The following TOP1 variants were observed in gnomAD, a reference collection of about 807,000 sequenced individuals.
TOP1 encodes DNA topoisomerase 1.
A neutral mutation model predicts 111.1 loss-of-function variants in TOP1; 10 were observed. That is an observed-to-expected ratio of 0.09 (90% confidence interval 0.06 to 0.15). The LOEUF is 0.15. Among genes scored for constraint, TOP1 ranks in the 10% least tolerant of loss-of-function variants. The probability of loss-of-function intolerance (pLI) is 1.00; values close to 1 mark genes in which losing one functional copy is unlikely to be tolerated. For synonymous variants in TOP1, 271 were observed against 302.9 expected, an observed-to-expected ratio of 0.89 and a Z score of 1.10; for missense variants, 474 against 926.7, an observed-to-expected ratio of 0.51 and a Z score of 6.34.
intron 8 of TOP1, among the ~76,000 whole-genome samples, chr20:41,084,882 T>G (rs370311519): frequency 6.6e-6 from 1 of 152,120 alleles, no homozygotes. Flanking sequence ...AAGGACAGAT[T>G]ATTATGTAAG....
chr20:41,044,284 G>GA (rs1223997809), intron 2 of TOP1, among the ~76,000 whole-genome samples: 2 of 152,020 alleles, frequency 1.3e-5, no homozygotes, highest in Non-Finnish European at 2.9e-5. Context: ...TCAAAAAAAA[G>GA]AAAAAAAGAA....
intron 2 of TOP1, among the ~76,000 whole-genome samples, chr20:41,047,146 C>T (rs908318855): frequency 3.3e-5 from 5 of 152,206 alleles, no homozygotes; most frequent in Admixed American, 6.5e-5. Context: ...TTAGTACTAG[C>T]GCAGTGTTCT....
chr20:41,035,257 T>G (rs1449113642), intron 2 of TOP1, among the ~76,000 whole-genome samples: 2 of 152,188 alleles, frequency 1.3e-5, no homozygotes, highest in African/African-American at 4.8e-5. Flanking sequence ...CTTACCTGTC[T>G]GCTAAATTTT....
Position 41,123,317 on chromosome 20 carries a change from T to G in TOP1, c.*20T>G, listed in dbSNP as rs764320383. 2 of 1,566,240 alleles carry G rather than the reference T, an allele frequency of 1.3e-6. No homozygotes were observed. The highest frequency in any genetic ancestry group is 2.2e-5 in the South Asian group (2 of 90,090). On this transcript the variant is annotated 3_prime_UTR_variant, in exon 21 of 21. Coordinates refer to ENST00000361337, the MANE Select transcript of TOP1 (RefSeq NM_003286.4). The surrounding 1 kb of genome is among the most constrained non-coding windows in gnomAD (Gnocchi z 5.8). ...TTTTAGCCAGTCTCAAGAGGCAGAGTTCTGTGAAGAGGAACAGTGTGGTTT... is the reference window on the plus strand; with the variant it reads ...TTTTAGCCAGTCTCAAGAGGCAGAGGTCTGTGAAGAGGAACAGTGTGGTTT...
chr20:41,123,244 C>A lies in TOP1; in HGVS notation c.2245C>A (p.Arg749=). The A allele has an allele frequency of 6.2e-7, 1 of 1,613,996 alleles. No homozygotes were observed. Among genetic ancestry groups the A allele is most frequent in the Non-Finnish European group, 8.5e-7 (1 of 1,179,932 alleles). ...TGAGAAGATTTACAACAAAACCCAGCGGGAGAAGTTTGCCTGGGCCATTGA... is the reference window on the plus strand; with the variant it reads ...TGAGAAGATTTACAACAAAACCCAGAGGGAGAAGTTTGCCTGGGCCATTGA... ...PIEKIYNKTQ[R]EKFAWAIDMA... Residue 749 remains arginine, a synonymous_variant, in exon 21 of 21, where the codon CGG becomes AGG. Transcript: ENST00000361337. The surrounding 1 kb of genome is among the most constrained non-coding windows in gnomAD (Gnocchi z 5.8).
rs2033955040 is a variant in TOP1 at position 41,094,204 on chromosome 20, AT to A, written c.730+1618del. Among the ~76,000 whole-genome samples the A allele has an allele frequency of 6.6e-6, 1 of 152,140 alleles. No homozygotes were observed. The highest frequency in any genetic ancestry group is 2.4e-5 in the African/African-American group (1 of 41,424). ...CAGGACTCCATAATCTCAGAGGCAAATGCTTATGTTATGTAAACATTTTGAC... is the reference window on the plus strand; with the variant it reads ...CAGGACTCCATAATCTCAGAGGCAAAGCTTATGTTATGTAAACATTTTGAC... On this transcript the variant is annotated intron_variant, in intron 9 of 20. Transcript: ENST00000361337. This position sits in a 1 kb window ranked among gnomAD's most constrained non-coding sequence, Gnocchi z 4.4.
intron 2 of TOP1, among the ~76,000 whole-genome samples, chr20:41,041,845 C>G (rs1438793589): frequency 2.0e-5 from 3 of 152,064 alleles, no homozygotes; most frequent in African/African-American, 7.3e-5. Flanking sequence ...TTGCTTCATT[C>G]AATTACGATA....
chr20:41,093,004 TATA>T (rs1180296775), intron 9 of TOP1, among the ~76,000 whole-genome samples: 2 of 152,204 alleles, frequency 1.3e-5, no homozygotes, highest in African/African-American at 4.8e-5. Context: ...ACAGTATTAG[TATA>T]TGGTCGAGGA....
rs1454954108 is a variant in TOP1 at position 41,082,226 on chromosome 20, G to A, written c.507+986G>A. On this transcript the variant is annotated intron_variant, in intron 7 of 20. Transcript: ENST00000361337. This position sits in a 1 kb window ranked among gnomAD's most constrained non-coding sequence, Gnocchi z 4.1. ...GCAGTAAAGAGAATGATAGTGAAGG[G>A]GCAGGGAGTCTTAAGAGGATAATCT... 6.6e-6 allele frequency among the ~76,000 whole-genome samples: 1 copy of A among 152,102 alleles called. No individual in the cohort carries two copies. The highest frequency in any genetic ancestry group is 1.5e-5 in the Non-Finnish European group (1 of 68,014).
intron 3 of TOP1, 58 bp from the exon 4 acceptor site, chr20:41,076,112 GA>G: frequency 6.5e-7 from 1 of 1,549,888 alleles, no homozygotes; most frequent in Non-Finnish European, 8.7e-7. Flanking sequence ...GATATCTTGT[GA>G]AACGAATCCT....
Position 41,115,321 on chromosome 20 carries a change from G to C in TOP1, c.1639-50G>C. 4.4e-6 allele frequency: 6 copies of C among 1,366,978 alleles called. No homozygotes were observed. Among genetic ancestry groups the C allele is most frequent in the Non-Finnish European group, 6.2e-6 (6 of 963,796 alleles). The allele number at this position is 1,366,978 out of a possible 1,614,324, so 84.7% of individuals were successfully genotyped here. On this transcript the variant is annotated intron_variant, in intron 15 of 20. Coordinates refer to ENST00000361337, the MANE Select transcript of TOP1 (RefSeq NM_003286.4). The surrounding 1 kb of genome is among the most constrained non-coding windows in gnomAD (Gnocchi z 6.3). Reference sequence around the variant, plus strand: ...CTTTAAGTTTGGGGTTATTTCTAAAGTTAGGATTTTTTTCAAGAGTAATAA... The same window carrying C: ...CTTTAAGTTTGGGGTTATTTCTAAACTTAGGATTTTTTTCAAGAGTAATAA...
intron 3 of TOP1, among the ~76,000 whole-genome samples, chr20:41,066,812 C>T (rs1051829342): frequency 1.3e-5 from 2 of 152,114 alleles, no homozygotes. Flanking sequence ...CCTCGGCCTC[C>T]CAAAGTCTTG....
chr20:41,041,906 GATT>G (rs201654924), intron 2 of TOP1, among the ~76,000 whole-genome samples: 48 of 149,380 alleles, frequency 3.2e-4, no homozygotes, highest in African/African-American at 4.9e-4. Flanking sequence ...TGATGATGAT[GATT>G]ATTATTATTA....
Position 41,076,184 on chromosome 20 carries a change from T to A in TOP1, c.169T>A (p.Ser57Thr). The A allele has an allele frequency of 6.2e-7, 1 of 1,609,950 alleles. No individual in the cohort carries two copies. Among genetic ancestry groups the A allele is most frequent in the Non-Finnish European group, 8.5e-7 (1 of 1,177,620 alleles). The change falls in exon 4 of 21, where the codon TCT becomes ACT. Residue 57 changes from serine to threonine, a missense_variant. By Grantham distance (58) the Ser-to-Thr change is moderately conservative. This residue lies in a region of TOP1 where 185 missense variants were observed against 226.3 expected (regional missense o/e 0.82). Coordinates refer to ENST00000361337, the MANE Select transcript of TOP1 (RefSeq NM_003286.4). Reference protein sequence around the residue: ...SKHSNSEHKDSEKKHKEKEKT... With the variant: ...SKHSNSEHKDTEKKHKEKEKT... Reference sequence around the variant, plus strand: ...AACTTTTTACAGTGAACATAAAGATTCTGAAAAGAAACACAAAGAGAAGGA... The same window carrying A: ...AACTTTTTACAGTGAACATAAAGATACTGAAAAGAAACACAAAGAGAAGGA...
intron 9 of TOP1, among the ~76,000 whole-genome samples, chr20:41,096,153 G>A (rs778072721): frequency 6.6e-6 from 1 of 152,148 alleles, no homozygotes; most frequent in Non-Finnish European, 1.5e-5. Context: ...TGCAACCCCT[G>A]CCTCCTGGGT....
Position 41,098,461 on chromosome 20 carries a change from C to G in TOP1, c.975+124C>G, listed in dbSNP as rs964059750. 1.3e-5 allele frequency: 14 copies of G among 1,114,426 alleles called. No homozygotes were observed. The African/African-American group carries it at 1.7e-4, about 14-fold the overall frequency. The allele number at this position is 1,114,426 out of a possible 1,614,324, so 69.0% of individuals were successfully genotyped here. ...ATTTCACATCATTCTATGCTAAAGACTTAGAGTTCTCAAAGTCTAAATTTT... is the reference window on the plus strand; with the variant it reads ...ATTTCACATCATTCTATGCTAAAGAGTTAGAGTTCTCAAAGTCTAAATTTT... On this transcript the variant is annotated intron_variant, in intron 11 of 20. Coordinates refer to ENST00000361337, the MANE Select transcript of TOP1 (RefSeq NM_003286.4). This position sits in a 1 kb window ranked among gnomAD's most constrained non-coding sequence, Gnocchi z 5.7.
chr20:41,114,689 C>CT lies in TOP1; in HGVS notation c.1638+535dup, dbSNP rs1463078590. Among the ~76,000 whole-genome samples, 3 of 152,174 alleles carry CT rather than the reference C, an allele frequency of 2.0e-5. No individual in the cohort carries two copies. The highest frequency in any genetic ancestry group is 4.4e-5 in the Non-Finnish European group (3 of 68,040). On this transcript the variant is annotated intron_variant, in intron 15 of 20. Coordinates refer to ENST00000361337, the MANE Select transcript of TOP1 (RefSeq NM_003286.4). This position sits in a 1 kb window ranked among gnomAD's most constrained non-coding sequence, Gnocchi z 4.5. ...TCTTTGCTCAGCCTTTCTCCAACTC[C>CT]TGACTGAGTGAAAGGTTAATGTTAG... is the stretch of plus-strand genomic sequence containing the variant.
Position 41,124,305 on chromosome 20 carries a change from AAGC to A in TOP1, c.*1011_*1013del, listed in dbSNP as rs1461281635. 2.6e-5 allele frequency: 6 copies of A among 233,086 alleles called. No individual in the cohort carries two copies. The highest frequency in any genetic ancestry group is 3.6e-4 in the South Asian group (2 of 5,528). The allele number at this position is 233,086 out of a possible 1,614,324, so 14.4% of individuals were successfully genotyped here. A position where few individuals can be genotyped will look rare whatever the true frequency, so the allele number is the denominator to read the frequency against. On this transcript the variant is annotated 3_prime_UTR_variant, in exon 21 of 21. Coordinates refer to ENST00000361337, the MANE Select transcript of TOP1 (RefSeq NM_003286.4). This position sits in a 1 kb window ranked among gnomAD's most constrained non-coding sequence, Gnocchi z 5.4. ...TGTAAAAAATGGAAAAAAACATAAA[AAGC>A]AGAATTTTAATGTGAAGACATTTTT...
At position 41,101,708 on chromosome 20, in the gene TOP1, T is replaced by TATTG. The variant is rs1321019929; in HGVS notation, c.1308+356_1308+359dup. ...AATGTGTTGAAGTATGGTGATTGTA[T>TATTG]ATTGGCCTCTGCAGATGTCTTCTAC... On this transcript the variant is annotated intron_variant, in intron 13 of 20. Coordinates refer to ENST00000361337, the MANE Select transcript of TOP1 (RefSeq NM_003286.4). This position sits in a 1 kb window ranked among gnomAD's most constrained non-coding sequence, Gnocchi z 4.1. Among the ~76,000 whole-genome samples the TATTG allele has an allele frequency of 1.3e-5, 2 of 152,248 alleles. No homozygotes were observed. The highest frequency in any genetic ancestry group is 4.8e-5 in the African/African-American group (2 of 41,466).
Sources: allele counts gnomAD v4.1 joint callset (sites outside exome capture counted in the v4.1 genomes callset), GRCh38; gene constraint gnomAD v4.1.1; regional missense constraint gnomAD v4.1.1; non-coding constraint Gnocchi (gnomAD v3.1); transcripts MANE v1.5; gene names NCBI Gene and HGNC (gene_info 2026-07-23, HGNC 2026-07-21).